NADSYN1: variants seen among roughly 807,000 people sequenced by gnomAD.
NADSYN1 encodes NAD synthetase 1.
Under a neutral mutation model 99.3 loss-of-function variants are expected in NADSYN1, and 80 were observed. The observed-to-expected ratio is 0.81, with a 90% CI of 0.67 to 0.97. The LOEUF (loss-of-function observed/expected upper bound fraction) is 0.97. NADSYN1 is among the 50% of genes least tolerant of loss of function. The pLI is 0.00. For synonymous variants in NADSYN1, 385 were observed against 372.1 expected, an observed-to-expected ratio of 1.03 and a Z score of -0.40; for missense variants, 859 against 948.5, an observed-to-expected ratio of 0.91 and a Z score of 1.24.
intron 2 of NADSYN1, among the ~76,000 whole-genome samples, chr11:71,457,985 G>A (rs1205564715): frequency 3.3e-5 from 5 of 152,190 alleles, no homozygotes; most frequent in Non-Finnish European, 2.9e-5. Context: ...CCGACTACAA[G>A]CATCTGTAGC....
chr11:71,501,425 G>A lies in NADSYN1; in HGVS notation c.*73G>A. The A allele has an allele frequency of 2.1e-6, 3 of 1,462,756 alleles. No homozygotes were observed. The highest frequency in any genetic ancestry group is 2.4e-5 in the South Asian group (2 of 82,034). 90.6% of individuals were successfully genotyped at this position (1,462,756 alleles called of 1,614,324 possible). A position where few individuals can be genotyped will look rare whatever the true frequency, so the allele number is the denominator to read the frequency against. On this transcript the variant is annotated 3_prime_UTR_variant, in exon 21 of 21. Transcript: ENST00000319023. ...TCATCATCAGCATTGCTGGAGCCAA[G>A]GGTAGGAGCCCTACACTAGGAGCCC...
intron 1 of NADSYN1, among the ~76,000 whole-genome samples, chr11:71,454,301 T>C (rs1002179536): frequency 6.6e-6 from 1 of 152,226 alleles, no homozygotes; most frequent in Admixed American, 6.5e-5. Flanking sequence ...AGTCTCTGCC[T>C]CCTGGGCTCA....
chr11:71,482,092 C>T (rs1949712169), intron 13 of NADSYN1, 67 bp downstream of exon 13: 12 of 1,421,308 alleles, frequency 8.4e-6, no homozygotes, highest in Non-Finnish European at 7.8e-6. Context: ...GAGTTAGGGA[C>T]CTAGGAGGGG....
chr11:71,473,494 A>G, intron 7 of NADSYN1, 75 bp from the exon 8 acceptor site: 1 of 1,526,956 alleles, frequency 6.5e-7, no homozygotes, highest in Non-Finnish European at 9.0e-7. Context: ...GCCGTGGGAG[A>G]GTGCAAGGGG....
chr11:71,492,000 A>ACTGT (rs201446713), intron 18 of NADSYN1, 97 bp downstream of exon 18: 77,249 of 1,167,742 alleles, frequency 0.066, 3,572 homozygotes, highest in African/African-American at 0.17. Context: ...ACCCCAGGAC[A>ACTGT]GCTGCATCGC....
chr11:71,475,886 A>G (rs1252470257), intron 9 of NADSYN1: 2 of 367,832 alleles, frequency 5.4e-6, no homozygotes, highest in South Asian at 2.0e-5. Context: ...ATTTTTTTGT[A>G]TTTACTTAGT....
intron 18 of NADSYN1, among the ~76,000 whole-genome samples, chr11:71,494,043 T>G (rs1949802870): frequency 6.6e-6 from 1 of 152,146 alleles, no homozygotes; most frequent in Non-Finnish European, 1.5e-5. Flanking sequence ...TAAGCTAAGG[T>G]TAATTTATTA....
Position 71,474,493 on chromosome 11 carries a change from T to C in NADSYN1, c.765T>C (p.Phe255=). ...TGATTGCCATGAACGGAAGCGTCTT[T>C]GCTCAAGGATCCCAGTTTTCTCTGG... ...CAMIAMNGSV[F]AQGSQFSLDD... The change falls in exon 9 of 21, where the codon TTT becomes TTC. Residue 255 remains phenylalanine, a synonymous_variant. Coordinates refer to ENST00000319023, the MANE Select transcript of NADSYN1 (RefSeq NM_018161.5). 3 of 1,614,224 alleles carry C rather than the reference T, an allele frequency of 1.9e-6. No homozygotes were observed. The highest frequency in any genetic ancestry group is 2.5e-6 in the Non-Finnish European group (3 of 1,180,032).
At chr11:71,463,803 A>G (rs534284901) in intron 4 of NADSYN1, among the ~76,000 whole-genome samples, 3 of 152,272 alleles carry the variant, frequency 2.0e-5, no homozygotes, top group East Asian at 1.9e-4. Context: ...GCGCCTGGTC[A>G]CCAGCTGCTG....
At chr11:71,455,035 G>T in intron 1 of NADSYN1, 75 bp from the exon 2 acceptor site, 1 of 1,088,986 alleles carries the variant, frequency 9.2e-7, no homozygotes, top group Non-Finnish European at 1.4e-6. Context: ...ACCTACTGCA[G>T]CAGGTTGTTT....
Position 71,478,374 on chromosome 11 carries a change from CTT to C in NADSYN1, c.799-19_799-18del. On this transcript the variant is annotated intron_variant, in intron 9 of 20. Transcript: ENST00000319023. Reference sequence around the variant, plus strand: ...GAACAAACGGGAAATCACGGGTTCTCTTTGAAATTTCCTTCTCCAGGAAGTCC... The same window carrying C: ...GAACAAACGGGAAATCACGGGTTCTCTGAAATTTCCTTCTCCAGGAAGTCC... 6.3e-7 allele frequency: 1 copy of C among 1,578,880 alleles called. No individual in the cohort carries two copies. Among genetic ancestry groups the C allele is most frequent in the Non-Finnish European group, 8.6e-7 (1 of 1,159,572 alleles).
chr11:71,488,183 A>G (rs1949755799), intron 16 of NADSYN1, among the ~76,000 whole-genome samples: 1 of 151,572 alleles, frequency 6.6e-6, no homozygotes, highest in South Asian at 2.1e-4. Flanking sequence ...GTCCTCCCTC[A>G]GGCTTTCTTC....
chr11:71,460,017 G>T (rs1949540905), intron 3 of NADSYN1: 1 of 152,398 alleles, frequency 6.6e-6, no homozygotes, highest in Non-Finnish European at 1.5e-5. Context: ...ACTCCAGGAG[G>T]ATCTGCGTCC....
At chr11:71,473,051 G>T (rs1949638090) in intron 6 of NADSYN1, among the ~76,000 whole-genome samples, 1 of 152,188 alleles carries the variant, frequency 6.6e-6, no homozygotes, top group African/African-American at 2.4e-5. Context: ...TGGCTGCTCA[G>T]AGTACAGGCG....
At position 71,478,932 on chromosome 11, in the gene NADSYN1, T is replaced by C. The variant is rs1228531815; in HGVS notation, c.873+463T>C. 3.6e-5 allele frequency: 6 copies of C among 164,644 alleles called. No homozygotes were observed. In the East Asian group the frequency reaches 9.8e-4, roughly 27 times the overall value. 10.2% of individuals were successfully genotyped at this position (164,644 alleles called of 1,614,324 possible). A position where few individuals can be genotyped will look rare whatever the true frequency, so the allele number is the denominator to read the frequency against. On this transcript the variant is annotated intron_variant, in intron 10 of 20. Coordinates refer to ENST00000319023, the MANE Select transcript of NADSYN1 (RefSeq NM_018161.5). ...CCTGGGATGCAAGTAACGCCCCTCCTGCAGCCCGAGGTCCTGCTGCTGGTA... is the reference window on the plus strand; with the variant it reads ...CCTGGGATGCAAGTAACGCCCCTCCCGCAGCCCGAGGTCCTGCTGCTGGTA...
intron 18 of NADSYN1, among the ~76,000 whole-genome samples, chr11:71,495,452 G>A (rs1415727092): frequency 6.6e-6 from 1 of 152,238 alleles, no homozygotes; most frequent in Non-Finnish European, 1.5e-5. Flanking sequence ...GTCTGACCTG[G>A]GAAGCGTCCC....
chr11:71,499,613 A>G (rs1323950379), intron 20 of NADSYN1: 1 of 152,212 alleles, frequency 6.6e-6, no homozygotes, highest in African/African-American at 2.4e-5. Context: ...AAAGGACAAT[A>G]CAATCAATGA....
Position 71,481,421 on chromosome 11 carries a change from C to A in NADSYN1, c.1047+17C>A. 6.2e-7 allele frequency: 1 copy of A among 1,612,590 alleles called. No homozygotes were observed. The highest frequency in any genetic ancestry group is 8.5e-7 in the Non-Finnish European group (1 of 1,179,036). On this transcript the variant is annotated intron_variant, in intron 12 of 20. Coordinates refer to ENST00000319023, the MANE Select transcript of NADSYN1 (RefSeq NM_018161.5). Reference sequence around the variant, plus strand: ...AGTCAACAGGTAAGACTTCCAGTTTCTAGTGAGCCCACTTTGCTTGTTCTG... The same window carrying A: ...AGTCAACAGGTAAGACTTCCAGTTTATAGTGAGCCCACTTTGCTTGTTCTG...
At chr11:71,483,657 G>A (rs1437626163) in intron 14 of NADSYN1, among the ~76,000 whole-genome samples, 1 of 152,176 alleles carries the variant, frequency 6.6e-6, no homozygotes, top group Non-Finnish European at 1.5e-5. Flanking sequence ...GCTAAAAGCT[G>A]TCCCCATGCC....
Sources: gnomAD v4.1 joint callset for allele counts (sites outside exome capture counted in the v4.1 genomes callset) on GRCh38, gnomAD v4.1.1 for gene constraint, MANE v1.5 for transcripts, NCBI Gene and HGNC (gene_info 2026-07-23, HGNC 2026-07-21) for gene names.